Variants in UNC5D observed in about 807,000 individuals in gnomAD.
UNC5D encodes netrin receptor UNC5D.
In UNC5D, 39 loss-of-function variants were observed where a neutral mutation model predicts 105.4. That is an observed-to-expected ratio of 0.37 (90% CI 0.29 to 0.48). The LOEUF is 0.48. UNC5D is among the 20% of genes least tolerant of loss of function. UNC5D has a pLI of 0.98. For synonymous variants in UNC5D, 452 were observed against 450.4 expected (o/e 1.00, Z -0.04); for missense variants, 991 against 1,202.4 (o/e 0.82, Z 2.60).
At chr8:35,442,729 G>A (rs1807489945) in intron 1 of UNC5D, among the ~76,000 whole-genome samples, 2 of 152,004 alleles carry the variant, frequency 1.3e-5, no homozygotes, top group South Asian at 4.1e-4. Context: ...CTCTCTTCCC[G>A]AGCAGAGATA....
intron 1 of UNC5D, among the ~76,000 whole-genome samples, chr8:35,483,643 C>A (rs553159173): frequency 2.6e-5 from 4 of 152,136 alleles, no homozygotes; most frequent in Non-Finnish European, 5.9e-5. Flanking sequence ...GGACTCTCTA[C>A]TAATGGAGCA....
chr8:35,458,612 G>T (rs1456088717), intron 1 of UNC5D, among the ~76,000 whole-genome samples: 1 of 152,186 alleles, frequency 6.6e-6, no homozygotes, highest in Non-Finnish European at 1.5e-5. Flanking sequence ...ATGAAAAGAG[G>T]TGTGCCGAGA....
chr8:35,304,340 A>T (rs1408966914), intron 1 of UNC5D, among the ~76,000 whole-genome samples: 1 of 152,122 alleles, frequency 6.6e-6, no homozygotes, highest in Non-Finnish European at 1.5e-5. Flanking sequence ...ATATCTGTTG[A>T]TGAAAGAAGA....
intron 1 of UNC5D, among the ~76,000 whole-genome samples, chr8:35,372,545 A>G (rs753981577): frequency 4.5e-4 from 68 of 152,236 alleles, no homozygotes; most frequent in East Asian, 1.9e-4. Flanking sequence ...CTGAAGCTTC[A>G]GAAAGGAAAT....
chr8:35,783,361 A>G (rs1210362451), intron 16 of UNC5D, among the ~76,000 whole-genome samples: 1 of 152,158 alleles, frequency 6.6e-6, no homozygotes, highest in Admixed American at 6.5e-5. Flanking sequence ...ATCCCCTAGT[A>G]TATTTTTATA....
chr8:35,328,009 T>C (rs1810304969), intron 1 of UNC5D, among the ~76,000 whole-genome samples: 1 of 152,218 alleles, frequency 6.6e-6, no homozygotes, highest in South Asian at 2.1e-4. Flanking sequence ...GGAAAGGTTT[T>C]CGTGGACATT....
rs770768416 is a variant in UNC5D, at chr8:35,686,535, C to T, written c.920-10C>T. The T allele has an allele frequency of 6.5e-7, 1 of 1,547,446 alleles. No homozygotes were observed. The highest frequency in any genetic ancestry group is 2.4e-5 in the East Asian group (1 of 41,136). On this transcript the variant is annotated splice_polypyrimidine_tract_variant and intron_variant, in intron 6 of 16. Transcript: ENST00000404895. ...ATTCTAACAATGGTTTCTTTTGTTT[C>T]CCTTTGAAGTGGATGGGAGCTGGGA...
intron 1 of UNC5D, among the ~76,000 whole-genome samples, chr8:35,393,379 C>T (rs546964829): frequency 8.1e-4 from 123 of 151,886 alleles, no homozygotes; most frequent in Non-Finnish European, 1.4e-3. Context: ...GTGATCCGCC[C>T]GCCTCGGCCT....
At chr8:35,523,146 A>G (rs1161999881) in intron 1 of UNC5D, among the ~76,000 whole-genome samples, 1 of 147,134 alleles carries the variant, frequency 6.8e-6, no homozygotes. Flanking sequence ...GCAGTGGTGC[A>G]CTCATGGCTC....
chr8:35,506,900 G>A (rs927605437), intron 1 of UNC5D, among the ~76,000 whole-genome samples: 2 of 152,102 alleles, frequency 1.3e-5, no homozygotes, highest in Admixed American at 1.3e-4. Context: ...TGTCAAACTC[G>A]AGGAGCAAAT....
intron 13 of UNC5D, among the ~76,000 whole-genome samples, chr8:35,753,695 C>T (rs956757899): frequency 2.6e-5 from 4 of 152,168 alleles, no homozygotes; most frequent in South Asian, 2.1e-4. Context: ...AATAAAGCTG[C>T]GTTTGGTTGT....
At chr8:35,789,560 G>A (rs1012100596) in intron 16 of UNC5D, among the ~76,000 whole-genome samples, 2 of 152,044 alleles carry the variant, frequency 1.3e-5, no homozygotes, top group African/African-American at 2.4e-5. Context: ...TGGAGGCACG[G>A]AGACACCAGT....
intron 1 of UNC5D, among the ~76,000 whole-genome samples, chr8:35,456,353 G>T (rs1056966278): frequency 6.6e-6 from 1 of 152,148 alleles, no homozygotes; most frequent in Non-Finnish European, 1.5e-5. Context: ...GGTTAGGAAT[G>T]GAGCTAAGAT....
chr8:35,634,823 A>G (rs1251269512), intron 4 of UNC5D, among the ~76,000 whole-genome samples: 3 of 149,628 alleles, frequency 2.0e-5, no homozygotes, highest in African/African-American at 4.9e-5. Context: ...CTGGAGTGCA[A>G]TGGCAGGATC....
Position 35,568,203 on chromosome 8 carries a change from G to A in UNC5D, c.428G>A (p.Gly143Asp). 1 of 1,614,146 alleles carries A rather than the reference G, an allele frequency of 6.2e-7. No individual in the cohort carries two copies. Among genetic ancestry groups the A allele is most frequent in the Non-Finnish European group, 8.5e-7 (1 of 1,180,026 alleles). The change falls in exon 3 of 17, where the codon GGT becomes GAT. Residue 143 changes from glycine (G) to aspartate (D), a missense_variant. Physicochemically the swap from Gly to Asp is moderately conservative, Grantham distance 94. Transcript: ENST00000404895. ...CAGTGTGTGGCGTGGAGCCACCTGGGTACCTCCAAGAGCAGGAAGGCCTCT... is the reference window on the plus strand; with the variant it reads ...CAGTGTGTGGCGTGGAGCCACCTGGATACCTCCAAGAGCAGGAAGGCCTCT... ...WCQCVAWSHLGTSKSRKASVR... is the reference protein window; with the variant it reads ...WCQCVAWSHLDTSKSRKASVR...
intron 2 of UNC5D, among the ~76,000 whole-genome samples, chr8:35,552,538 C>A (rs1278868062): frequency 6.6e-6 from 1 of 152,226 alleles, no homozygotes; most frequent in African/African-American, 2.4e-5. Context: ...CTGACCATTT[C>A]TTCCATCTTC....
At chr8:35,761,157 T>TA (rs1333187579) in intron 14 of UNC5D, among the ~76,000 whole-genome samples, 1 of 152,180 alleles carries the variant, frequency 6.6e-6, no homozygotes, top group African/African-American at 2.4e-5. Flanking sequence ...TGCTTTCTGG[T>TA]AAGCAGTATT....
At chr8:35,492,284 A>T (rs1352165717) in intron 1 of UNC5D, among the ~76,000 whole-genome samples, 3 of 152,000 alleles carry the variant, frequency 2.0e-5, no homozygotes, top group Non-Finnish European at 4.4e-5. Context: ...CTTATCTTTC[A>T]TCTGTTTTCT....
intron 4 of UNC5D, among the ~76,000 whole-genome samples, chr8:35,645,751 A>G (rs56200409): frequency 0.17 from 25,782 of 151,996 alleles, 4,837 homozygotes; most frequent in African/African-American, 0.47. Flanking sequence ...GAATTTTGCT[A>G]TTATCTTGAG....
Sources: gnomAD v4.1 joint callset for allele counts (sites outside exome capture counted in the v4.1 genomes callset) on GRCh38, gnomAD v4.1.1 for gene constraint, MANE v1.5 for transcripts, NCBI Gene and HGNC (gene_info 2026-07-23, HGNC 2026-07-21) for gene names.